RELA: variants seen among roughly 807,000 people sequenced by gnomAD.
The protein encoded by RELA is transcription factor p65.
A neutral mutation model predicts 56.7 loss-of-function variants in RELA; 14 were observed. That is an observed-to-expected ratio of 0.25 (90% CI 0.16 to 0.39). The LOEUF (loss-of-function observed/expected upper bound fraction) is 0.39, where lower values mean the gene tolerates loss of function less well. Among genes scored for constraint, RELA ranks in the 10% least tolerant of loss-of-function variants. The pLI, the probability that RELA is intolerant of heterozygous loss-of-function variation, is 1.00. For missense variants in RELA, 559 were observed against 736.4 expected, an observed-to-expected ratio of 0.76 and a Z score of 2.79; for synonymous variants, 315 against 289.7, an observed-to-expected ratio of 1.09 and a Z score of -0.89.
At position 65,654,237 on chromosome 11, in the gene RELA, T is replaced by C. The variant is rs1281548905; in HGVS notation, c.*141A>G. On this transcript the variant is annotated 3_prime_UTR_variant, in exon 11 of 11. Coordinates refer to ENST00000406246, the MANE Select transcript of RELA (RefSeq NM_021975.4). ...GATACAGATACTGACAATAAAAGAA[T>C]AAAATATGGCTCCCCCCTCCAAGGA... is the stretch of plus-strand genomic sequence containing the variant. The C allele has an allele frequency of 9.9e-7, 1 of 1,014,832 alleles. No individual in the cohort carries two copies. Among genetic ancestry groups the C allele is most frequent in the Non-Finnish European group, 1.5e-6 (1 of 658,198 alleles). 62.9% of individuals were successfully genotyped at this position (1,014,832 alleles called of 1,614,324 possible). A position where few individuals can be genotyped will look rare whatever the true frequency, so the allele number is the denominator to read the frequency against.
intron 6 of RELA, among the ~76,000 whole-genome samples, chr11:65,659,233 C>G (rs961133978): frequency 5.3e-5 from 8 of 152,172 alleles, no homozygotes; most frequent in African/African-American, 7.2e-5. Context: ...GCTCCAGATT[C>G]GTTTTATTTC....
Position 65,660,226 on chromosome 11 carries a change from C to G in RELA, c.336-11G>C. The G allele has an allele frequency of 6.2e-7, 1 of 1,613,812 alleles. No homozygotes were observed. The highest frequency in any genetic ancestry group is 8.5e-7 in the Non-Finnish European group (1 of 1,179,746). ...CCCAGGTTCTGGAAACTGAGCGCCC[C>G]CAGTCGTCTGTCCCACTGTCTCTCA... On this transcript the variant is annotated splice_polypyrimidine_tract_variant and intron_variant, in intron 4 of 10. Transcript: ENST00000406246.
upstream of RELA, chr11:65,662,979 C>G: frequency 1.8e-6 from 1 of 560,890 alleles, no homozygotes; most frequent in Non-Finnish European, 2.5e-6. Flanking sequence ...CGCTGCCCCG[C>G]CGCCGCCCGG....
At chr11:65,656,387 A>G (rs888640324) in intron 8 of RELA, among the ~76,000 whole-genome samples, 2 of 152,230 alleles carry the variant, frequency 1.3e-5, no homozygotes, top group Non-Finnish European at 2.9e-5. Flanking sequence ...CAGAGCTTTC[A>G]GAACTGTCTT....
In RELA at chr11:65,658,513, G is replaced by A. The variant is rs769082400; in HGVS notation, c.665-14C>T. 8.9e-5 allele frequency: 141 copies of A among 1,586,182 alleles called. 1 individual carries two copies. Among genetic ancestry groups the A allele is most frequent in the South Asian group, 8.5e-4 (75 of 88,610 alleles). ...CCTCAATGTCCTCTGCAGGAGATGC[G>A]GTGGCAGTGTGGGTCAGTGTGTCTA... On this transcript the variant is annotated splice_polypyrimidine_tract_variant and intron_variant, in intron 7 of 10. Transcript: ENST00000406246. The surrounding 1 kb of genome is among the most constrained non-coding windows in gnomAD (Gnocchi z 4.5).
rs765926935 is a variant in RELA, at chr11:65,659,766, G to A, written c.459C>T (p.Asp153=). Residue 153 remains aspartate (D), a synonymous_variant, in exon 6 of 11, where the codon GAC becomes GAT. Coordinates refer to ENST00000406246, the MANE Select transcript of RELA (RefSeq NM_021975.4). ...VPIEEQRGDY[D]LNAVRLCFQV... is the part of the protein sequence containing the mutation. The stretch of plus-strand genomic sequence containing the variant: ...GGAAGCAGAGCCGCACAGCATTCAG[G>A]TCGTAGTCCCCACGCTGCTCTTCTA... 1.9e-6 allele frequency: 3 copies of A among 1,613,698 alleles called. No homozygotes were observed. In the Admixed American group the frequency reaches 5.0e-5, roughly 27 times the overall value.
intron 8 of RELA, among the ~76,000 whole-genome samples, chr11:65,657,039 A>AAAACC (rs1491329703): frequency 6.6e-6 from 1 of 150,644 alleles, no homozygotes; most frequent in Non-Finnish European, 1.5e-5. Flanking sequence ...ACAAACAAAC[A>AAAACC]AAACCAAACC....
intron 4 of RELA, among the ~76,000 whole-genome samples, chr11:65,661,072 G>A (rs948644185): frequency 7.0e-6 from 1 of 142,110 alleles, no homozygotes; most frequent in Non-Finnish European, 1.5e-5. Flanking sequence ...ACAAGGTATC[G>A]CCCTGCCACC....
Position 65,654,696 on chromosome 11 carries a change from A to G in RELA, c.1338T>C (p.Asp446=). 1 of 1,542,918 alleles carries G rather than the reference A, an allele frequency of 6.5e-7. No individual in the cohort carries two copies. The highest frequency in any genetic ancestry group is 1.3e-5 in the South Asian group (1 of 79,380). The change falls in exon 11 of 11, where the codon GAT becomes GAC. Residue 446 remains aspartate (D), a synonymous_variant. Transcript: ENST00000406246. ...CAAGCAAGGCCCCCAGGTCTTCATCATCAAACTGCAGCTGCAGCAGGGCCT... is the reference window on the plus strand; with the variant it reads ...CAAGCAAGGCCCCCAGGTCTTCATCGTCAAACTGCAGCTGCAGCAGGGCCT... The part of the protein sequence containing the change: ...LSEALLQLQF[D]DEDLGALLGN...
At position 65,662,881 on chromosome 11, in the gene RELA, T is replaced by C. The variant is rs1856610261; in HGVS notation, c.-49A>G. ...CGGGGTCGCAGCTGGGCCCGCGGCG[T>C]GCACTACAGACGAGCCATTCGCCAG... is the stretch of plus-strand genomic sequence containing the variant. On this transcript the variant is annotated 5_prime_UTR_variant, in exon 1 of 11. Coordinates refer to ENST00000406246, the MANE Select transcript of RELA (RefSeq NM_021975.4). 3.4e-6 allele frequency: 4 copies of C among 1,181,774 alleles called. No individual in the cohort carries two copies. The highest frequency in any genetic ancestry group is 4.5e-5 in the Admixed American group (1 of 22,016). The allele number at this position is 1,181,774 out of a possible 1,614,324, so 73.2% of individuals were successfully genotyped here.
In RELA at chr11:65,661,698, G is replaced by A; in HGVS notation, c.324C>T (p.Arg108=). ...GFYEAELCPD[R]CIHSFQNLGI... is the part of the protein sequence containing the mutation. ...TGCAGGGACCTCACCTGTGGATGCA[G>A]CGGTCCGGGCAGAGCTCAGCCTCAT... is the stretch of plus-strand genomic sequence containing the variant. The change falls in exon 4 of 11, where the codon CGC becomes CGT. Residue 108 remains arginine, a synonymous_variant. Transcript: ENST00000406246. The A allele has an allele frequency of 6.3e-7, 1 of 1,594,062 alleles. No homozygotes were observed. Among genetic ancestry groups the A allele is most frequent in the East Asian group, 2.2e-5 (1 of 44,624 alleles).
intron 5 of RELA, 98 bp from the exon 6 acceptor site, chr11:65,659,895 G>A (rs750034577): frequency 1.3e-4 from 187 of 1,447,714 alleles, no homozygotes; most frequent in South Asian, 2.1e-4. Flanking sequence ...CCGCTGGTGC[G>A]TGTGTGAAAC....
At position 65,661,797 on chromosome 11, in the gene RELA, G is replaced by C; in HGVS notation, c.225C>G (p.Ser75=). The change falls in exon 4 of 11, where the codon TCC becomes TCG. Residue 75 remains serine, a synonymous_variant. Coordinates refer to ENST00000406246, the MANE Select transcript of RELA (RefSeq NM_021975.4). ...GGTGAGGAGGGTCCTTGGTGACCAGGGAGATGCGCACTGTCCCTGGTCCTG... is the reference window on the plus strand; with the variant it reads ...GGTGAGGAGGGTCCTTGGTGACCAGCGAGATGCGCACTGTCCCTGGTCCTG... The part of the protein sequence containing the change: ...GYTGPGTVRI[S]LVTKDPPHRP... 2.5e-6 allele frequency: 4 copies of C among 1,613,852 alleles called. No individual in the cohort carries two copies. Among genetic ancestry groups the C allele is most frequent in the Non-Finnish European group, 3.4e-6 (4 of 1,179,916 alleles).
Position 65,657,548 on chromosome 11 carries a change from C to T in RELA, c.877+739G>A, listed in dbSNP as rs74829088. 5.9e-5 allele frequency among the ~76,000 whole-genome samples: 9 copies of T among 152,338 alleles called. No homozygotes were observed. In the East Asian group the frequency reaches 7.7e-4, roughly 13 times the overall value. On this transcript the variant is annotated intron_variant, in intron 8 of 10. Transcript: ENST00000406246. ...CACTGCCCAACATCAGCTCAAACCA[C>T]GAAGGTGGCCCTGAATAGGCCGTGC...
intron 5 of RELA, 25 bp downstream of exon 5, chr11:65,660,099 G>A (rs958815474): frequency 1.9e-6 from 3 of 1,602,950 alleles, no homozygotes; most frequent in African/African-American, 1.3e-5. Context: ...GAGGGTGCGG[G>A]TGTGGCAGGC....
At chr11:65,662,446 T>C (rs1856596262) in intron 1 of RELA, 1 of 517,980 alleles carries the variant, frequency 1.9e-6, no homozygotes, top group Admixed American at 3.8e-5. Flanking sequence ...CAGGGCCTGT[T>C]GTACTTTCTT....
intron 4 of RELA, 75 bp downstream of exon 4, chr11:65,661,612 T>G: frequency 7.2e-7 from 1 of 1,395,938 alleles, no homozygotes; most frequent in East Asian, 2.3e-5. Context: ...CAGAAAGGAG[T>G]AACACTGTAG....
chr11:65,658,875 G>C lies in RELA; in HGVS notation c.560-53C>G, dbSNP rs767212399. 8.9e-5 allele frequency: 132 copies of C among 1,485,852 alleles called. No homozygotes were observed. Among genetic ancestry groups the C allele is most frequent in the Admixed American group, 2.5e-4 (15 of 59,798 alleles). 92.0% of individuals were successfully genotyped at this position (1,485,852 alleles called of 1,614,324 possible). A position where few individuals can be genotyped will look rare whatever the true frequency, so the allele number is the denominator to read the frequency against. ...ACCTGAGCCACGAGAGGTCCCCAGGGTGGCCTGCAGGAGATGCAACTTCCC... is the reference window on the plus strand; with the variant it reads ...ACCTGAGCCACGAGAGGTCCCCAGGCTGGCCTGCAGGAGATGCAACTTCCC... On this transcript the variant is annotated intron_variant, in intron 6 of 10. Coordinates refer to ENST00000406246, the MANE Select transcript of RELA (RefSeq NM_021975.4). This position sits in a 1 kb window ranked among gnomAD's most constrained non-coding sequence, Gnocchi z 4.5.
In RELA at chr11:65,658,235, C is replaced by G; in HGVS notation, c.877+52G>C. 5 of 1,401,530 alleles carry G rather than the reference C, an allele frequency of 3.6e-6. No homozygotes were observed. The South Asian group carries it at 6.5e-5, about 18-fold the overall frequency. The allele number at this position is 1,401,530 out of a possible 1,614,324, so 86.8% of individuals were successfully genotyped here. ...CCCCAGACATGCAGTCTTGGCCTCT[C>G]TCTCACGGCACAGAGCCCAGCTGCC... On this transcript the variant is annotated intron_variant, in intron 8 of 10. Coordinates refer to ENST00000406246, the MANE Select transcript of RELA (RefSeq NM_021975.4). This position sits in a 1 kb window ranked among gnomAD's most constrained non-coding sequence, Gnocchi z 4.5.
Sources: allele counts gnomAD v4.1 joint callset (sites outside exome capture counted in the v4.1 genomes callset), GRCh38; gene constraint gnomAD v4.1.1; non-coding constraint Gnocchi (gnomAD v3.1); transcripts MANE v1.5; gene names NCBI Gene and HGNC (gene_info 2026-07-23, HGNC 2026-07-21).